The following SNX1 variants were observed in gnomAD, a reference collection of about 807,000 sequenced individuals.
SNX1 encodes sorting nexin-1.
A neutral mutation model predicts 71.8 loss-of-function variants in SNX1; 36 were observed. That is an observed-to-expected ratio of 0.50 (90% CI 0.38 to 0.66). The LOEUF (loss-of-function observed/expected upper bound fraction) is 0.66. Among genes scored for constraint, SNX1 ranks in the 30% least tolerant of loss-of-function variants. The pLI is 0.00. For synonymous variants in SNX1, 254 were observed against 240.7 expected (o/e 1.06, Z -0.51); for missense variants, 612 against 646.7 (o/e 0.95, Z 0.58).
At position 64,112,591 on chromosome 15, in the gene SNX1, A is replaced by G. The variant is rs2081087501; in HGVS notation, c.178A>G (p.Lys60Glu). 5.0e-6 allele frequency: 8 copies of G among 1,610,406 alleles called. No homozygotes were observed. In the South Asian group the frequency reaches 7.7e-5, roughly 16 times the overall value. ...TTTTCAGAGTAAACATCAGTCTCCAAAGATAACTACATCCCTTCTTCCCAT... is the reference window on the plus strand; with the variant it reads ...TTTTCAGAGTAAACATCAGTCTCCAGAGATAACTACATCCCTTCTTCCCAT... ...AAVVSKHQSP[K>E]ITTSLLPINN... The change falls in exon 2 of 15, where the codon AAG becomes GAG. Residue 60 changes from lysine to glutamate, a missense_variant. Physicochemically the swap from Lys to Glu is moderately conservative, Grantham distance 56. Coordinates refer to ENST00000559844, the MANE Select transcript of SNX1 (RefSeq NM_003099.5).
intron 1 of SNX1, among the ~76,000 whole-genome samples, chr15:64,104,282 T>C (rs1326562702): frequency 1.3e-5 from 2 of 150,394 alleles, no homozygotes; most frequent in African/African-American, 4.9e-5. Context: ...GTTTTTTTTT[T>C]TTTTTTTTGG....
Position 64,129,847 on chromosome 15 carries a change from T to C in SNX1, c.808-69T>C. 8.8e-7 allele frequency: 1 copy of C among 1,130,044 alleles called. No individual in the cohort carries two copies. Among genetic ancestry groups the C allele is most frequent in the Non-Finnish European group, 1.4e-6 (1 of 740,666 alleles). 70.0% of individuals were successfully genotyped at this position (1,130,044 alleles called of 1,614,324 possible). On this transcript the variant is annotated intron_variant, in intron 8 of 14. Coordinates refer to ENST00000559844, the MANE Select transcript of SNX1 (RefSeq NM_003099.5). This position sits in a 1 kb window ranked among gnomAD's most constrained non-coding sequence, Gnocchi z 4.4. Reference sequence around the variant, plus strand: ...AAGTTTTGGCATGCCATCTGATGGATACTAATTCTTCTGAACCTAAAATAG... The same window carrying C: ...AAGTTTTGGCATGCCATCTGATGGACACTAATTCTTCTGAACCTAAAATAG...
chr15:64,131,486 C>G (rs1334979088), intron 10 of SNX1: 2 of 573,386 alleles, frequency 3.5e-6, no homozygotes, highest in African/African-American at 3.7e-5. Flanking sequence ...TGGTGCCTCT[C>G]CCTCCTGCTC....
In SNX1 at chr15:64,134,478, A is replaced by C. The variant is rs1345995081; in HGVS notation, c.1222-186A>C. The C allele has an allele frequency of 3.2e-5, 20 of 625,602 alleles. No individual in the cohort carries two copies. The highest frequency in any genetic ancestry group is 5.4e-6 in the Non-Finnish European group (2 of 367,838). The allele number at this position is 625,602 out of a possible 1,614,324, so 38.8% of individuals were successfully genotyped here. A position where few individuals can be genotyped will look rare whatever the true frequency, so the allele number is the denominator to read the frequency against. On this transcript the variant is annotated intron_variant, in intron 11 of 14. Transcript: ENST00000559844. The surrounding 1 kb of genome is among the most constrained non-coding windows in gnomAD (Gnocchi z 4.1). Reference sequence around the variant, plus strand: ...TGGCACTGGCCTTCTGGAAGCTTGGAGAGGAGTCTTACCCAAGCTTTGCTC... The same window carrying C: ...TGGCACTGGCCTTCTGGAAGCTTGGCGAGGAGTCTTACCCAAGCTTTGCTC...
chr15:64,121,686 C>G (rs2081198359), intron 4 of SNX1, among the ~76,000 whole-genome samples: 1 of 152,230 alleles, frequency 6.6e-6, no homozygotes, highest in Non-Finnish European at 1.5e-5. Context: ...GTAATTTAAA[C>G]AGCCCATGGA....
intron 11 of SNX1, among the ~76,000 whole-genome samples, chr15:64,133,671 A>G (rs1275024392): frequency 6.6e-6 from 1 of 152,240 alleles, no homozygotes; most frequent in African/African-American, 2.4e-5. Context: ...TGGAGGTTGC[A>G]GTGCAGTGAG....
At chr15:64,096,410 G>A (rs937097096) in intron 1 of SNX1, among the ~76,000 whole-genome samples, 1 of 152,204 alleles carries the variant, frequency 6.6e-6, no homozygotes, top group Non-Finnish European at 1.5e-5. Flanking sequence ...CTCCCTAACA[G>A]CCGAGAACCG....
intron 9 of SNX1, 97 bp downstream of exon 9, chr15:64,130,126 T>C: frequency 6.8e-7 from 1 of 1,471,614 alleles, no homozygotes; most frequent in Non-Finnish European, 9.4e-7. Flanking sequence ...GAAACTTTTT[T>C]ATAAGATTTT....
At position 64,136,887 on chromosome 15, in the gene SNX1, C is replaced by A. The variant is rs552760571; in HGVS notation, c.1473C>A (p.Asn491Lys). The A allele has an allele frequency of 1.2e-6, 2 of 1,613,962 alleles. No individual in the cohort carries two copies. ...AAGAGAAATCCAAGGACTTCAAGAA[C>A]CACGTGATCAAGTACCTTGAGACAC... The part of the protein sequence containing the change: ...FEKEKSKDFK[N>K]HVIKYLETLL... Residue 491 changes from asparagine (N) to lysine (K), a missense_variant, in exon 14 of 15, where the codon AAC becomes AAA. Asn to Lys is a moderately conservative substitution (Grantham distance 94). Coordinates refer to ENST00000559844, the MANE Select transcript of SNX1 (RefSeq NM_003099.5).
At position 64,113,310 on chromosome 15, in the gene SNX1, A is replaced by C. The variant is rs115325660; in HGVS notation, c.271+626A>C. On this transcript the variant is annotated intron_variant, in intron 2 of 14. Coordinates refer to ENST00000559844, the MANE Select transcript of SNX1 (RefSeq NM_003099.5). ...ATAATTCTTTGTTGAGGGGTGCTGCACTGTTCTCAACAGAGGGGGTGCTTT... is the reference window on the plus strand; with the variant it reads ...ATAATTCTTTGTTGAGGGGTGCTGCCCTGTTCTCAACAGAGGGGGTGCTTT... Among the ~76,000 whole-genome samples, 1,001 of 152,234 alleles carry C rather than the reference A, an allele frequency of 6.6e-3. 9 individuals carry two copies. Among genetic ancestry groups the C allele is most frequent in the African/African-American group, 0.023 (964 of 41,542 alleles).
intron 1 of SNX1, among the ~76,000 whole-genome samples, chr15:64,109,985 T>G (rs1350373703): frequency 6.6e-6 from 1 of 152,142 alleles, no homozygotes; most frequent in African/African-American, 2.4e-5. Flanking sequence ...CCCAAGAAAA[T>G]AATCAGATGT....
chr15:64,117,997 C>T, intron 2 of SNX1, 120 bp from the exon 3 acceptor site: 1 of 924,590 alleles, frequency 1.1e-6, no homozygotes. Flanking sequence ...GACTTTCAGT[C>T]TAAGAGCCTC....
Position 64,129,774 on chromosome 15 carries a change from C to T in SNX1, c.808-142C>T, listed in dbSNP as rs1315103707. The T allele has an allele frequency of 4.7e-6, 3 of 632,522 alleles. No homozygotes were observed. Among genetic ancestry groups the T allele is most frequent in the African/African-American group, 3.6e-5 (2 of 55,492 alleles). 39.2% of individuals were successfully genotyped at this position (632,522 alleles called of 1,614,324 possible). A position where few individuals can be genotyped will look rare whatever the true frequency, so the allele number is the denominator to read the frequency against. ...GTATGGACATGTTAGTTGTGGATTC[C>T]TCAGACTGCCTTTGAAAACAATTTA... On this transcript the variant is annotated intron_variant, in intron 8 of 14. Coordinates refer to ENST00000559844, the MANE Select transcript of SNX1 (RefSeq NM_003099.5). This position sits in a 1 kb window ranked among gnomAD's most constrained non-coding sequence, Gnocchi z 4.4.
rs199628334 is a variant in SNX1, at chr15:64,096,189, C to A, written c.159+17C>A. On this transcript the variant is annotated intron_variant, in intron 1 of 14. Coordinates refer to ENST00000559844, the MANE Select transcript of SNX1 (RefSeq NM_003099.5). The stretch of plus-strand genomic sequence containing the variant: ...GCGGTGGTCGTGAGTTTGCACCCCT[C>A]GGGGTAGCAGGCGGGAGGGCACCCC... 7 of 1,546,576 alleles carry A rather than the reference C, an allele frequency of 4.5e-6. No individual in the cohort carries two copies. Among genetic ancestry groups the A allele is most frequent in the Non-Finnish European group, 6.1e-6 (7 of 1,146,092 alleles).
chr15:64,125,815 A>C (rs888677882), intron 5 of SNX1, among the ~76,000 whole-genome samples: 1 of 152,168 alleles, frequency 6.6e-6, no homozygotes, highest in Non-Finnish European at 1.5e-5. Flanking sequence ...ATGTATTTGA[A>C]TTTAATTGAT....
chr15:64,101,059 C>T (rs919384983), intron 1 of SNX1, among the ~76,000 whole-genome samples: 1 of 152,176 alleles, frequency 6.6e-6, no homozygotes, highest in Non-Finnish European at 1.5e-5. Context: ...ACCTTGGCCT[C>T]CCAAAGTGCT....
At chr15:64,096,275 C>T in intron 1 of SNX1, 103 bp downstream of exon 1, 4 of 1,375,768 alleles carry the variant, frequency 2.9e-6, no homozygotes, top group Non-Finnish European at 3.9e-6. Flanking sequence ...CCGGTGAGAC[C>T]TTGCCTCGGT....
In SNX1 at chr15:64,112,646, A is replaced by G. The variant is rs1344748296; in HGVS notation, c.233A>G (p.His78Arg). ...AATGGCTCCAAAGAAAATGGGATCC[A>G]TGAAGAACAAGACCAAGAGCCACAG... is the stretch of plus-strand genomic sequence containing the variant. The part of the protein sequence containing the change: ...INNGSKENGI[H>R]EEQDQEPQDL... The change falls in exon 2 of 15, where the codon CAT becomes CGT. Residue 78 changes from histidine to arginine, a missense_variant. Physicochemically the swap from His to Arg is conservative, Grantham distance 29 (BLOSUM62 0). Around this residue, in one of 2 missense-constraint regions of SNX1, gnomAD observed 316 missense variants for 284.9 expected, o/e 1.11. Coordinates refer to ENST00000559844, the MANE Select transcript of SNX1 (RefSeq NM_003099.5). The G allele has an allele frequency of 8.7e-6, 14 of 1,613,652 alleles. No homozygotes were observed. Among genetic ancestry groups the G allele is most frequent in the Non-Finnish European group, 1.1e-5 (13 of 1,179,828 alleles).
At chr15:64,111,439 T>G (rs1333146593) in intron 1 of SNX1, 3 of 152,220 alleles carry the variant, frequency 2.0e-5, no homozygotes. Context: ...TCTTGTTCTT[T>G]TTTCTTCAAA....
Sources: gnomAD v4.1 joint callset for allele counts (sites outside exome capture counted in the v4.1 genomes callset) on GRCh38, gnomAD v4.1.1 for gene constraint, gnomAD v4.1.1 regional missense constraint, Gnocchi (gnomAD v3.1) non-coding constraint, MANE v1.5 for transcripts, NCBI Gene and HGNC (gene_info 2026-07-23, HGNC 2026-07-21) for gene names.